Variants in AUTS2 observed in about 807,000 individuals in gnomAD.
AUTS2 encodes activator of transcription and developmental regulator AUTS2.
Under a neutral mutation model 112.4 loss-of-function variants are expected in AUTS2, and 17 were observed. That is an observed-to-expected ratio of 0.15 (90% CI 0.10 to 0.23). AUTS2 has a LOEUF of 0.23. AUTS2 is among the 10% of genes least tolerant of loss of function. The pLI is 1.00. For synonymous variants in AUTS2, 751 were observed against 702.7 expected (o/e 1.07, Z -1.09); for missense variants, 1,510 against 1,701.6 (o/e 0.89, Z 1.98).
intron 4 of AUTS2, among the ~76,000 whole-genome samples, chr7:70,330,432 C>T (rs1379509666): frequency 6.6e-6 from 1 of 152,114 alleles, no homozygotes; most frequent in East Asian, 1.9e-4. Flanking sequence ...ATAAGTTGGC[C>T]ATAGGCATAT....
At chr7:69,942,917 C>G (rs1796680481) in intron 2 of AUTS2, among the ~76,000 whole-genome samples, 1 of 152,202 alleles carries the variant, frequency 6.6e-6, no homozygotes, top group Non-Finnish European at 1.5e-5. Context: ...TCTGTATTTA[C>G]TGACTAGAAA....
intron 2 of AUTS2, among the ~76,000 whole-genome samples, chr7:70,016,619 G>A (rs1053203099): frequency 6.6e-6 from 1 of 151,576 alleles, no homozygotes; most frequent in Non-Finnish European, 1.5e-5. Context: ...CATACATTGT[G>A]TAGTCCACCA....
chr7:69,711,836 A>G (rs1247935317), intron 1 of AUTS2, among the ~76,000 whole-genome samples: 1 of 152,214 alleles, frequency 6.6e-6, no homozygotes, highest in Non-Finnish European at 1.5e-5. Flanking sequence ...TGTGTGTAAT[A>G]TGTGGTATGC....
At chr7:69,852,241 T>C (rs1792516772) in intron 1 of AUTS2, among the ~76,000 whole-genome samples, 1 of 152,224 alleles carries the variant, frequency 6.6e-6, no homozygotes, top group Non-Finnish European at 1.5e-5. Flanking sequence ...TTGAACCAGC[T>C]TTGCATCCCT....
intron 2 of AUTS2, among the ~76,000 whole-genome samples, chr7:70,116,005 G>A (rs921976081): frequency 3.3e-5 from 5 of 152,112 alleles, no homozygotes; most frequent in African/African-American, 1.2e-4. Context: ...TGGAGACAAG[G>A]CGATGTTCAT....
At chr7:69,933,048 G>T (rs902032829) in intron 2 of AUTS2, among the ~76,000 whole-genome samples, 2 of 152,192 alleles carry the variant, frequency 1.3e-5, no homozygotes, top group African/African-American at 4.8e-5. Flanking sequence ...TGATCTGCAC[G>T]TTGGTTACAC....
intron 3 of AUTS2, among the ~76,000 whole-genome samples, chr7:70,124,561 CT>C (rs770621547): frequency 0.015 from 2,192 of 144,030 alleles, 40 homozygotes; most frequent in African/African-American, 0.043. Context: ...CAGCTTCAAT[CT>C]TTTTTTTTTT....
At chr7:69,747,932 C>T (rs1331851681) in intron 1 of AUTS2, among the ~76,000 whole-genome samples, 1 of 151,912 alleles carries the variant, frequency 6.6e-6, no homozygotes, top group Non-Finnish European at 1.5e-5. Context: ...CATAGGGTTT[C>T]TTTGCTGAGT....
intron 4 of AUTS2, among the ~76,000 whole-genome samples, chr7:70,243,487 CT>C (rs892900669): frequency 2.0e-5 from 3 of 152,080 alleles, no homozygotes; most frequent in African/African-American, 7.2e-5. Flanking sequence ...ATGATAACAA[CT>C]GTTGAGACAT....
chr7:70,492,677 G>A (rs377568631), intron 5 of AUTS2, among the ~76,000 whole-genome samples: 108 of 152,262 alleles, frequency 7.1e-4, no homozygotes, highest in Non-Finnish European at 1.2e-3. Context: ...GATTCCCAGG[G>A]CTCCCTGCAG....
At chr7:70,710,268 G>A (rs919579500) in intron 6 of AUTS2, among the ~76,000 whole-genome samples, 2 of 152,006 alleles carry the variant, frequency 1.3e-5, no homozygotes, top group Admixed American at 6.6e-5. Flanking sequence ...CAGAGAAAGT[G>A]CCCAAGAGCA....
intron 5 of AUTS2, among the ~76,000 whole-genome samples, chr7:70,623,069 T>C (rs1804759692): frequency 6.6e-6 from 1 of 152,220 alleles, no homozygotes; most frequent in Admixed American, 6.5e-5. Flanking sequence ...TTGATGGTGT[T>C]TTATGACCAT....
chr7:70,409,164 C>A (rs1794670351), intron 4 of AUTS2, among the ~76,000 whole-genome samples: 1 of 152,178 alleles, frequency 6.6e-6, no homozygotes, highest in African/African-American at 2.4e-5. Flanking sequence ...TGTCTATAGT[C>A]TGGAAAAGAT....
At chr7:69,642,476 T>C (rs560303616) in intron 1 of AUTS2, among the ~76,000 whole-genome samples, 2 of 152,226 alleles carry the variant, frequency 1.3e-5, no homozygotes, top group South Asian at 2.1e-4. Flanking sequence ...CTTTGATATA[T>C]ACTTTTTGAG....
At chr7:69,886,946 A>G (rs867789324) in intron 1 of AUTS2, among the ~76,000 whole-genome samples, 1 of 152,200 alleles carries the variant, frequency 6.6e-6, no homozygotes, top group African/African-American at 2.4e-5. Flanking sequence ...AGCTAATTTA[A>G]AAAATATTTT....
At chr7:70,146,058 G>T (rs7791954) in intron 4 of AUTS2, among the ~76,000 whole-genome samples, 32,671 of 151,978 alleles carry the variant, frequency 0.21, 3,500 homozygotes, top group Middle Eastern at 0.33. Context: ...CAAAGCCAGC[G>T]ATTTATGTAA....
At chr7:70,782,992 C>G (rs1265981943) in intron 15 of AUTS2, 1 of 152,210 alleles carries the variant, frequency 6.6e-6, no homozygotes, top group African/African-American at 2.4e-5. Flanking sequence ...CACCTAGGCT[C>G]TGAGACAGGG....
chr7:70,634,293 G>T (rs988447360), intron 5 of AUTS2, among the ~76,000 whole-genome samples: 1 of 152,212 alleles, frequency 6.6e-6, no homozygotes, highest in Non-Finnish European at 1.5e-5. Flanking sequence ...GGAACAGGAG[G>T]CTGTGCGCTG....
intron 4 of AUTS2, among the ~76,000 whole-genome samples, chr7:70,400,111 C>G (rs1221637057): frequency 6.6e-6 from 1 of 152,138 alleles, no homozygotes; most frequent in African/African-American, 2.4e-5. Flanking sequence ...CACCTGTGAC[C>G]AAGTGTGGAT....
Sources: allele counts gnomAD v4.1 joint callset (sites outside exome capture counted in the v4.1 genomes callset), GRCh38; gene constraint gnomAD v4.1.1; transcripts MANE v1.5; gene names NCBI Gene and HGNC (gene_info 2026-07-23, HGNC 2026-07-21).